The following FAM13A variants were observed in gnomAD, a reference collection of about 807,000 sequenced individuals.
FAM13A encodes family with sequence similarity 13 member A.
A neutral mutation model predicts 129.6 loss-of-function variants in FAM13A; 76 were observed. The observed-to-expected ratio is 0.59, with a 90% confidence interval of 0.49 to 0.71. The LOEUF (loss-of-function observed/expected upper bound fraction) is 0.71, where lower values mean the gene tolerates loss of function less well. Among genes scored for constraint, FAM13A ranks in the 30% least tolerant of loss-of-function variants. The pLI is 0.00. For synonymous variants in FAM13A, 443 were observed against 449.9 expected (o/e 0.98, Z 0.20); for missense variants, 1,108 against 1,249.3 (o/e 0.89, Z 1.70).
chr4:89,018,204 A>G (rs555066163), intron 3 of FAM13A, among the ~76,000 whole-genome samples: 2 of 152,248 alleles, frequency 1.3e-5, no homozygotes, highest in East Asian at 1.9e-4. Flanking sequence ...GAGGTAATTA[A>G]GGTTAAATTA....
At chr4:89,011,881 G>A (rs1198861452) in intron 3 of FAM13A, among the ~76,000 whole-genome samples, 1 of 151,986 alleles carries the variant, frequency 6.6e-6, no homozygotes, top group Non-Finnish European at 1.5e-5. Flanking sequence ...AAGCACTATT[G>A]TAGAATATAT....
At chr4:88,893,828 A>AC (rs1354301613) in intron 6 of FAM13A, among the ~76,000 whole-genome samples, 1 of 148,882 alleles carries the variant, frequency 6.7e-6, no homozygotes, top group African/African-American at 2.4e-5. Flanking sequence ...CTCCGTCTCA[A>AC]AAAAAAAAAA....
chr4:88,850,028 CTA>C (rs1233309521), intron 7 of FAM13A, among the ~76,000 whole-genome samples: 1 of 152,122 alleles, frequency 6.6e-6, no homozygotes, highest in East Asian at 1.9e-4. Flanking sequence ...AGCCCAAATG[CTA>C]TGTCTTCTAT....
At chr4:88,839,217 C>T (rs1030048951) in intron 7 of FAM13A, among the ~76,000 whole-genome samples, 10 of 152,148 alleles carry the variant, frequency 6.6e-5, no homozygotes, top group Non-Finnish European at 1.3e-4. Flanking sequence ...AATACTTTTG[C>T]TATTTTATTT....
chr4:88,948,860 A>C (rs1756422350), intron 4 of FAM13A, among the ~76,000 whole-genome samples: 1 of 152,194 alleles, frequency 6.6e-6, no homozygotes, highest in Non-Finnish European at 1.5e-5. Context: ...AAAAAGATAC[A>C]TTTTATAGCA....
intron 3 of FAM13A, among the ~76,000 whole-genome samples, chr4:89,014,860 T>A (rs920578126): frequency 1.3e-5 from 2 of 152,168 alleles, no homozygotes; most frequent in Admixed American, 6.5e-5. Flanking sequence ...AAGAACAGGA[T>A]AACAGCAATG....
At chr4:88,976,038 C>G (rs1760854439) in intron 4 of FAM13A, among the ~76,000 whole-genome samples, 1 of 152,172 alleles carries the variant, frequency 6.6e-6, no homozygotes, top group South Asian at 2.1e-4. Context: ...CTGCGCTGCT[C>G]TCTTCCCAAG....
intron 15 of FAM13A, 91 bp from the exon 16 acceptor site, chr4:88,750,000 C>A (rs78354551): frequency 2.8e-6 from 4 of 1,412,430 alleles, no homozygotes; most frequent in South Asian, 2.5e-5. Flanking sequence ...ATGTGGCATG[C>A]GGTGGTGGGG....
At chr4:88,816,136 C>T (rs1730672120) in intron 7 of FAM13A, among the ~76,000 whole-genome samples, 2 of 152,096 alleles carry the variant, frequency 1.3e-5, no homozygotes, top group African/African-American at 4.8e-5. Flanking sequence ...GGAAACCTTC[C>T]TATTTCAATG....
At chr4:88,878,215 G>A (rs1213809828) in intron 6 of FAM13A, among the ~76,000 whole-genome samples, 3 of 148,244 alleles carry the variant, frequency 2.0e-5, no homozygotes, top group South Asian at 2.1e-4. Context: ...GTGAACCCGG[G>A]AGGCGGAGCT....
intron 7 of FAM13A, among the ~76,000 whole-genome samples, chr4:88,813,293 C>G (rs1208144303): frequency 6.6e-6 from 1 of 152,080 alleles, no homozygotes; most frequent in East Asian, 1.9e-4. Flanking sequence ...TGGAAGCTTT[C>G]ATTTGTCTTT....
intron 3 of FAM13A, among the ~76,000 whole-genome samples, chr4:89,010,452 A>T (rs1473498868): frequency 6.6e-6 from 1 of 152,206 alleles, no homozygotes; most frequent in Admixed American, 6.5e-5. Flanking sequence ...CAGCCACAGA[A>T]AGTTCCTAGA....
At chr4:89,050,330 G>A (rs546360428) in intron 1 of FAM13A, among the ~76,000 whole-genome samples, 5 of 152,102 alleles carry the variant, frequency 3.3e-5, no homozygotes, top group Non-Finnish European at 1.5e-5. Flanking sequence ...AGCTTCCTGA[G>A]AAGCTGGGAT....
intron 6 of FAM13A, among the ~76,000 whole-genome samples, chr4:88,900,367 G>T (rs1463509171): frequency 6.6e-6 from 1 of 151,752 alleles, no homozygotes; most frequent in Admixed American, 6.6e-5. Flanking sequence ...AGGGCAAAAT[G>T]AAAGAAAAAA....
intron 4 of FAM13A, among the ~76,000 whole-genome samples, chr4:88,942,988 T>G (rs1755043403): frequency 6.6e-6 from 1 of 152,230 alleles, no homozygotes; most frequent in Non-Finnish European, 1.5e-5. Flanking sequence ...CTGTGCCTCA[T>G]ATTTTCCTTC....
At chr4:88,732,860 G>GT (rs1385736270) in intron 21 of FAM13A, among the ~76,000 whole-genome samples, 5 of 151,112 alleles carry the variant, frequency 3.3e-5, no homozygotes, top group African/African-American at 9.7e-5. Context: ...TCTAAGAAAA[G>GT]TATGATATTC....
At chr4:88,827,785 T>C (rs1166711250) in intron 7 of FAM13A, among the ~76,000 whole-genome samples, 1 of 152,198 alleles carries the variant, frequency 6.6e-6, no homozygotes, top group East Asian at 1.9e-4. Flanking sequence ...ATAGCACACA[T>C]TCCACTATTA....
At chr4:89,049,014 C>T (rs1771216156) in intron 1 of FAM13A, among the ~76,000 whole-genome samples, 1 of 152,156 alleles carries the variant, frequency 6.6e-6, no homozygotes, top group South Asian at 2.1e-4. Flanking sequence ...AAAAAATGTT[C>T]TTGGAAAGAT....
At chr4:88,830,069 G>A (rs1016432369) in intron 7 of FAM13A, among the ~76,000 whole-genome samples, 2 of 152,192 alleles carry the variant, frequency 1.3e-5, no homozygotes, top group African/African-American at 4.8e-5. Flanking sequence ...CATAATGGCT[G>A]TCTGAACACT....
Sources: gnomAD v4.1 joint callset for allele counts (sites outside exome capture counted in the v4.1 genomes callset) on GRCh38, gnomAD v4.1.1 for gene constraint, MANE v1.5 for transcripts, NCBI Gene and HGNC (gene_info 2026-07-23, HGNC 2026-07-21) for gene names.